CACNA1A: variants seen among roughly 807,000 people sequenced by gnomAD.
The protein encoded by CACNA1A is voltage-dependent P/Q-type calcium channel subunit alpha-1A.
Under a neutral mutation model 262.4 loss-of-function variants are expected in CACNA1A, and 57 were observed. The observed-to-expected ratio is 0.22, with a 90% CI of 0.18 to 0.27. CACNA1A has a LOEUF of 0.27. Among genes scored for constraint, CACNA1A ranks in the 10% least tolerant of loss-of-function variants. CACNA1A has a pLI of 1.00. For synonymous variants in CACNA1A, 1,431 were observed against 1,419.3 expected, an observed-to-expected ratio of 1.01 and a Z score of -0.18; for missense variants, 2,526 against 3,562.8, an observed-to-expected ratio of 0.71 and a Z score of 7.41.
intron 3 of CACNA1A, among the ~76,000 whole-genome samples, chr19:13,410,380 C>T (rs965784807): frequency 6.6e-6 from 1 of 151,842 alleles, no homozygotes; most frequent in Non-Finnish European, 1.5e-5. Flanking sequence ...GCATGCACCA[C>T]CATGCCCAGC....
chr19:13,397,602 A>G (rs561667828), intron 3 of CACNA1A, among the ~76,000 whole-genome samples: 1 of 151,576 alleles, frequency 6.6e-6, no homozygotes, highest in South Asian at 2.1e-4. Context: ...GGGCGCCGCC[A>G]TGTACGCTCT....
chr19:13,245,122 C>T (rs919386204), intron 31 of CACNA1A, 60 bp downstream of exon 31: 3 of 1,354,074 alleles, frequency 2.2e-6, no homozygotes, highest in African/African-American at 2.9e-5. Context: ...CTCCCCCGCC[C>T]CCTGCCGCCT....
At chr19:13,437,426 C>T (rs1336603472) in intron 3 of CACNA1A, among the ~76,000 whole-genome samples, 1 of 152,120 alleles carries the variant, frequency 6.6e-6, no homozygotes, top group African/African-American at 2.4e-5. Flanking sequence ...TGTGGTGGCT[C>T]ACGCCTCTAA....
rs1287461914 is a variant in CACNA1A, at chr19:13,380,900, A to G, written c.540-9121T>C. ...GTGATCTTCCTTCCTCAGCCTCCTA[A>G]GTAGCTGGGACTACAGGTGGGAGCC... On this transcript the variant is annotated intron_variant, in intron 3 of 46. Transcript: ENST00000360228. 2.0e-5 allele frequency among the ~76,000 whole-genome samples: 3 copies of G among 151,722 alleles called. No individual in the cohort carries two copies. The East Asian group carries it at 5.9e-4, about 30-fold the overall frequency.
At chr19:13,418,479 G>A (rs538315513) in intron 3 of CACNA1A, among the ~76,000 whole-genome samples, 13 of 152,270 alleles carry the variant, frequency 8.5e-5, no homozygotes, top group East Asian at 5.8e-4. Context: ...ATGCAGGTAC[G>A]ATTTAGTTAA....
intron 19 of CACNA1A, among the ~76,000 whole-genome samples, chr19:13,295,166 G>A (rs1220515941): frequency 6.6e-6 from 1 of 152,196 alleles, no homozygotes; most frequent in Non-Finnish European, 1.5e-5. Context: ...AATATAGTAG[G>A]CACTTAGTAA....
At chr19:13,300,792 G>A (rs1451562442) in intron 17 of CACNA1A, 136 bp from the exon 18 acceptor site, 26 of 721,948 alleles carry the variant, frequency 3.6e-5, no homozygotes, top group Non-Finnish European at 6.0e-5. Context: ...ATTGGAATGG[G>A]TACCTGCTAT....
chr19:13,414,701 T>C (rs2060190693), intron 3 of CACNA1A, among the ~76,000 whole-genome samples: 1 of 152,086 alleles, frequency 6.6e-6, no homozygotes, highest in Non-Finnish European at 1.5e-5. Context: ...CTCATGTCTG[T>C]AGTCCCAGCA....
At chr19:13,436,949 C>T (rs1052452418) in intron 3 of CACNA1A, among the ~76,000 whole-genome samples, 3 of 152,256 alleles carry the variant, frequency 2.0e-5, no homozygotes, top group African/African-American at 7.2e-5. Context: ...AATGAGTACA[C>T]ATGTGGCACA....
intron 31 of CACNA1A, among the ~76,000 whole-genome samples, chr19:13,240,957 G>C (rs1336918741): frequency 6.6e-6 from 1 of 152,252 alleles, no homozygotes; most frequent in African/African-American, 2.4e-5. Context: ...GAGAGTCTTT[G>C]CCGGCACACT....
intron 11 of CACNA1A, among the ~76,000 whole-genome samples, 193 bp from the exon 12 acceptor site, chr19:13,312,974 T>C (rs1444885505): frequency 6.6e-6 from 1 of 152,136 alleles, no homozygotes; most frequent in African/African-American, 2.4e-5. Flanking sequence ...TCCAACATGC[T>C]AGAACTACAG....
At chr19:13,402,871 CACATATATAT>C (rs1233881507) in intron 3 of CACNA1A, among the ~76,000 whole-genome samples, 147 of 64,138 alleles carry the variant, frequency 2.3e-3, no homozygotes, top group East Asian at 8.2e-3. Flanking sequence ...CACACACACA[CACATATATAT>C]ATATATATAT....
At chr19:13,400,636 G>A (rs1328859431) in intron 3 of CACNA1A, among the ~76,000 whole-genome samples, 1 of 152,102 alleles carries the variant, frequency 6.6e-6, no homozygotes, top group Non-Finnish European at 1.5e-5. Flanking sequence ...TCTCAACCAG[G>A]GGTGATTTCA....
intron 3 of CACNA1A, among the ~76,000 whole-genome samples, chr19:13,437,893 A>G (rs965506906): frequency 6.6e-6 from 1 of 151,822 alleles, no homozygotes; most frequent in African/African-American, 2.4e-5. Context: ...GCCCCAGTGG[A>G]CAGAGGGAGC....
Position 13,490,713 on chromosome 19 carries a change from GAA to G in CACNA1A, c.293+15217_293+15218del, listed in dbSNP as rs1187409499. On this transcript the variant is annotated intron_variant, in intron 1 of 46. Coordinates refer to ENST00000360228, the MANE Select transcript of CACNA1A (RefSeq NM_001127222.2). ...GAAAGGAAAGAAAGAAAGAAAGAAA[GAA>G]AGAAAGAAAGAAAGAAAGAGAAAAG... 3.7e-3 allele frequency among the ~76,000 whole-genome samples: 459 copies of G among 123,036 alleles called. 3 individuals carry two copies. Among genetic ancestry groups the G allele is most frequent in the African/African-American group, 0.013 (390 of 30,718 alleles). 80.7% of individuals were successfully genotyped at this position (123,036 alleles called of 152,430 possible).
chr19:13,393,811 T>TTC (rs1226397228), intron 3 of CACNA1A, among the ~76,000 whole-genome samples: 57 of 82,124 alleles, frequency 6.9e-4, no homozygotes, highest in Admixed American at 1.7e-3. Flanking sequence ...CCCTCCTTCC[T>TTC]CTCTCTCTCT....
At chr19:13,260,190 C>T (rs2056691069) in intron 26 of CACNA1A, 1 of 158,104 alleles carries the variant, frequency 6.3e-6, no homozygotes, top group Admixed American at 6.2e-5. Flanking sequence ...AAGATAACAA[C>T]AGGCTACCAT....
intron 19 of CACNA1A, among the ~76,000 whole-genome samples, chr19:13,293,769 T>C (rs756047142): frequency 6.6e-5 from 10 of 151,754 alleles, no homozygotes; most frequent in African/African-American, 9.7e-5. Context: ...TTAAATCTTA[T>C]ACCCAGAGAA....
In CACNA1A at chr19:13,442,387, C is replaced by T. The variant is rs150475937; in HGVS notation, c.539+10489G>A. Among the ~76,000 whole-genome samples, 190 of 152,226 alleles carry T rather than the reference C, an allele frequency of 1.2e-3. 1 individual carries two copies. The highest frequency in any genetic ancestry group is 4.5e-3 in the African/African-American group (186 of 41,540). ...CTAGCTCACTGGTTGAGGGATGCTA[C>T]CGAGGTTGTTAAGCATCTGGCTCAG... On this transcript the variant is annotated intron_variant, in intron 3 of 46. Transcript: ENST00000360228.
Sources: gnomAD v4.1 joint callset for allele counts (sites outside exome capture counted in the v4.1 genomes callset) on GRCh38, gnomAD v4.1.1 for gene constraint, MANE v1.5 for transcripts, NCBI Gene and HGNC (gene_info 2026-07-23, HGNC 2026-07-21) for gene names.